The following NINL variants were observed in gnomAD, a reference collection of about 807,000 sequenced individuals.
NINL encodes ninein like, also known as ninein-like protein.
Under a neutral mutation model 160.3 loss-of-function variants are expected in NINL, and 153 were observed. The ratio of observed to expected loss-of-function variants is 0.95; its 90% CI spans 0.84 to 1.09. The LOEUF is 1.09. NINL is among the 50% of genes least tolerant of loss of function. The probability of loss-of-function intolerance (pLI) is 0.00; values close to 1 mark genes in which losing one functional copy is unlikely to be tolerated. For synonymous variants in NINL, 800 were observed against 734.8 expected (o/e 1.09, Z -1.43); for missense variants, 1,829 against 1,764.0 (o/e 1.04, Z -0.66).
At chr20:25,518,207 C>T (rs1236139083) in intron 2 of NINL, among the ~76,000 whole-genome samples, 2 of 152,222 alleles carry the variant, frequency 1.3e-5, no homozygotes, top group African/African-American at 4.8e-5. Context: ...CGACCCTTCC[C>T]CCTACATCTC....
At chr20:25,478,299 G>A (rs1398411838) in intron 16 of NINL, among the ~76,000 whole-genome samples, 1 of 152,170 alleles carries the variant, frequency 6.6e-6, no homozygotes, top group African/African-American at 2.4e-5. Context: ...TGTGGTGGGA[G>A]GGCCCGTCCT....
chr20:25,530,262 A>G (rs1325874416), intron 1 of NINL, among the ~76,000 whole-genome samples: 1 of 152,206 alleles, frequency 6.6e-6, no homozygotes, highest in East Asian at 1.9e-4. Flanking sequence ...ACATAGACAC[A>G]CATGTATTTT....
chr20:25,471,324 T>A (rs1362665834), intron 17 of NINL, among the ~76,000 whole-genome samples: 1 of 152,200 alleles, frequency 6.6e-6, no homozygotes, highest in Non-Finnish European at 1.5e-5. Context: ...AACATAAGTA[T>A]CTTCTTCATA....
At chr20:25,494,215 A>G (rs1357940442) in intron 10 of NINL, among the ~76,000 whole-genome samples, 2 of 144,738 alleles carry the variant, frequency 1.4e-5, no homozygotes, top group Non-Finnish European at 3.0e-5. Flanking sequence ...AGCACCCCCA[A>G]TGCACCCCAC....
At chr20:25,581,011 C>A (rs572686665) in intron 1 of NINL, among the ~76,000 whole-genome samples, 4 of 152,354 alleles carry the variant, frequency 2.6e-5, no homozygotes, top group African/African-American at 9.6e-5. Context: ...GCAGAGGACG[C>A]TATTACCTGC....
In NINL at chr20:25,462,445, G is replaced by A. The variant is rs140202244; in HGVS notation, c.3520C>T (p.Arg1174Cys). 92 of 1,614,062 alleles carry A rather than the reference G, an allele frequency of 5.7e-5. No homozygotes were observed. The highest frequency in any genetic ancestry group is 6.8e-5 in the Non-Finnish European group (80 of 1,180,050). ...TGTGTTAACATCTGAATGGTCACACGATGCTCCTCGTTTTGGGCCTGGTGG... is the reference window on the plus strand; with the variant it reads ...TGTGTTAACATCTGAATGGTCACACAATGCTCCTCGTTTTGGGCCTGGTGG... ...STHQAQNEEH[R>C]VTIQMLTQSL... Residue 1174 changes from arginine to cysteine, a missense_variant, in exon 20 of 24, where the codon CGT becomes TGT. Transcript: ENST00000278886.
intron 23 of NINL, 146 bp from the exon 24 acceptor site, chr20:25,453,788 C>T (rs555332168): frequency 4.0e-5 from 26 of 645,058 alleles, no homozygotes; most frequent in African/African-American, 9.3e-5. Flanking sequence ...CAGTGGTTCA[C>T]GCCTGTAATC....
At chr20:25,506,538 G>C (rs149324962) in intron 5 of NINL, among the ~76,000 whole-genome samples, 1 of 152,268 alleles carries the variant, frequency 6.6e-6, no homozygotes, top group African/African-American at 2.4e-5. Context: ...AAAATGTCAA[G>C]TCAAAGATGT....
chr20:25,523,869 G>A (rs563144241), intron 2 of NINL, among the ~76,000 whole-genome samples: 4 of 151,178 alleles, frequency 2.6e-5, no homozygotes, highest in Admixed American at 1.3e-4. Flanking sequence ...TCCACCTCCC[G>A]AACTTGTGAT....
At chr20:25,522,550 C>A (rs751495695) in intron 2 of NINL, among the ~76,000 whole-genome samples, 2 of 152,214 alleles carry the variant, frequency 1.3e-5, no homozygotes, top group Non-Finnish European at 2.9e-5. Context: ...CTCCTTGCAT[C>A]CCTAGCATCT....
Position 25,480,170 on chromosome 20 carries a change from C to T in NINL, c.1908G>A (p.Leu636=), listed in dbSNP as rs364722. Residue 636 remains leucine, a synonymous_variant, in exon 15 of 24, where the codon CTG becomes CTA. Transcript: ENST00000278886. ...CCCATAATCCCCTCACCTTGGTCTC[C>T]AGCTGGGTCCTGAGGTCTTGGTAAT... is the stretch of plus-strand genomic sequence containing the variant. ...KEHYQDLRTQ[L]ETKVNYYERE... 6.3e-3 allele frequency: 10,121 copies of T among 1,613,554 alleles called. 383 individuals carry two copies. In the African/African-American group the frequency reaches 0.091, roughly 14 times the overall value.
At chr20:25,574,057 C>A (rs546843822) in intron 1 of NINL, among the ~76,000 whole-genome samples, 7 of 152,196 alleles carry the variant, frequency 4.6e-5, no homozygotes, top group Non-Finnish European at 7.3e-5. Flanking sequence ...ACCAGCCACA[C>A]CCCTGCCCTT....
intron 1 of NINL, among the ~76,000 whole-genome samples, chr20:25,582,995 A>G (rs967566345): frequency 1.3e-5 from 2 of 152,244 alleles, no homozygotes; most frequent in African/African-American, 4.8e-5. Flanking sequence ...GATGGATTAA[A>G]GACTTAAATG....
At chr20:25,577,062 T>G (rs201459789) in intron 1 of NINL, among the ~76,000 whole-genome samples, 1 of 152,194 alleles carries the variant, frequency 6.6e-6, no homozygotes, top group Non-Finnish European at 1.5e-5. Context: ...TAATGTAGAT[T>G]GTGGGGTTCC....
At chr20:25,501,853 T>C (rs1159571323) in intron 7 of NINL, among the ~76,000 whole-genome samples, 1 of 152,196 alleles carries the variant, frequency 6.6e-6, no homozygotes, top group South Asian at 2.1e-4. Flanking sequence ...TCTCTCAAAC[T>C]CCTGGGCTCA....
In NINL at chr20:25,494,692, G is replaced by A. The variant is rs571279141; in HGVS notation, c.1310+1971C>T. ...TGTGGAGGTGGCGGCTGCAGGAGGT[G>A]CAGCGGGGACCCCCTTCTGCCCAGC... On this transcript the variant is annotated intron_variant, in intron 10 of 23. Coordinates refer to ENST00000278886, the MANE Select transcript of NINL (RefSeq NM_025176.6). Among the ~76,000 whole-genome samples the A allele has an allele frequency of 4.9e-4, 74 of 152,352 alleles. 1 individual carries two copies. The East Asian group carries it at 5.4e-3, about 11-fold the overall frequency.
chr20:25,564,924 T>G (rs1459722030), intron 1 of NINL, among the ~76,000 whole-genome samples: 1 of 152,150 alleles, frequency 6.6e-6, no homozygotes, highest in East Asian at 1.9e-4. Context: ...GATCACAGTT[T>G]TACCGAAGCA....
intron 10 of NINL, among the ~76,000 whole-genome samples, chr20:25,495,141 C>T (rs972945652): frequency 2.0e-5 from 3 of 152,190 alleles, no homozygotes; most frequent in Non-Finnish European, 4.4e-5. Context: ...CCAGAGGCCA[C>T]GGACCCATCA....
Position 25,504,891 on chromosome 20 carries a change from T to C in NINL, c.705A>G (p.Lys235=). ...GGTGGCCTGCTGTGCCCCTCACCTCTTTCTCGAGTCCCTGGAGCCCGACGC... is the reference window on the plus strand; with the variant it reads ...GGTGGCCTGCTGTGCCCCTCACCTCCTTCTCGAGTCCCTGGAGCCCGACGC... ...CQSVGLQGLE[K]EELEDLFNKL... is the part of the protein sequence containing the mutation. The change falls in exon 6 of 24, where the codon AAA becomes AAG. Residue 235 remains lysine (K), a synonymous_variant. Coordinates refer to ENST00000278886, the MANE Select transcript of NINL (RefSeq NM_025176.6). The C allele has an allele frequency of 1.9e-6, 3 of 1,610,716 alleles. No homozygotes were observed. The highest frequency in any genetic ancestry group is 2.2e-5 in the East Asian group (1 of 44,876).
Sources: gnomAD v4.1 joint callset for allele counts (sites outside exome capture counted in the v4.1 genomes callset) on GRCh38, gnomAD v4.1.1 for gene constraint, MANE v1.5 for transcripts, NCBI Gene and HGNC (gene_info 2026-07-23, HGNC 2026-07-21) for gene names.